DOCK9: variants seen among roughly 807,000 people sequenced by gnomAD.
DOCK9 encodes dedicator of cytokinesis protein 9.
In DOCK9, 89 loss-of-function variants were observed where a neutral mutation model predicts 263.3. That is an observed-to-expected ratio of 0.34 (90% confidence interval 0.28 to 0.40). The LOEUF (loss-of-function observed/expected upper bound fraction) is 0.40. DOCK9 is among the 10% of genes least tolerant of loss of function. DOCK9 has a pLI of 1.00. For synonymous variants in DOCK9, 976 were observed against 973.1 expected, an observed-to-expected ratio of 1.00 and a Z score of -0.06; for missense variants, 2,140 against 2,603.4, an observed-to-expected ratio of 0.82 and a Z score of 3.87.
At chr13:98,809,304 T>C in intron 47 of DOCK9, 48 bp downstream of exon 47, 1 of 1,507,426 alleles carries the variant, frequency 6.6e-7, no homozygotes, top group Admixed American at 2.0e-5. Context: ...TGTTTTTGTT[T>C]TTTTTTAAAG....
At chr13:98,853,368 C>G in intron 35 of DOCK9, 40 bp downstream of exon 35, 1 of 1,375,094 alleles carries the variant, frequency 7.3e-7, no homozygotes, top group Non-Finnish European at 1.0e-6. Context: ...AAACCAAGTG[C>G]TGAAACGAGC....
chr13:99,064,867 A>C (rs1195592036), intron 1 of DOCK9, among the ~76,000 whole-genome samples: 1 of 152,210 alleles, frequency 6.6e-6, no homozygotes, highest in African/African-American at 2.4e-5. Flanking sequence ...TCTCTAAAAA[A>C]TGAAGGCCCC....
chr13:98,977,633 T>A, intron 1 of DOCK9, 151 bp downstream of exon 1: 1 of 617,350 alleles, frequency 1.6e-6, no homozygotes, highest in South Asian at 2.9e-5. Flanking sequence ...GGAATCGAAG[T>A]CATATTACAG....
intron 1 of DOCK9, among the ~76,000 whole-genome samples, chr13:99,082,083 G>C (rs1490624477): frequency 1.3e-5 from 2 of 152,144 alleles, no homozygotes; most frequent in African/African-American, 4.8e-5. Flanking sequence ...GCTAGGCGTG[G>C]TGGTGCATGC....
chr13:98,809,146 G>A, intron 47 of DOCK9: 1 of 1,535,876 alleles, frequency 6.5e-7, no homozygotes, highest in Non-Finnish European at 8.8e-7. Flanking sequence ...AAGTAATAAA[G>A]AAAAGACAGG....
chr13:98,824,607 C>A, intron 44 of DOCK9, 103 bp from the exon 45 acceptor site: 1 of 1,084,776 alleles, frequency 9.2e-7, no homozygotes, highest in Non-Finnish European at 1.4e-6. Flanking sequence ...AATGAAATAA[C>A]GGATTTTGAA....
At chr13:98,960,771 C>G (rs190832389) in intron 1 of DOCK9, among the ~76,000 whole-genome samples, 4 of 152,150 alleles carry the variant, frequency 2.6e-5, no homozygotes, top group Admixed American at 2.6e-4. Context: ...GACCAACTAC[C>G]TATACTTGAA....
intron 2 of DOCK9, among the ~76,000 whole-genome samples, chr13:98,953,314 T>G (rs2057662911): frequency 6.6e-6 from 1 of 152,240 alleles, no homozygotes; most frequent in Admixed American, 6.5e-5. Flanking sequence ...AAAATGCTAG[T>G]GAGTTCTTTG....
rs1016608960 is a variant in DOCK9, at chr13:98,880,424, T to C, written c.2871+123A>G. On this transcript the variant is annotated intron_variant, in intron 26 of 52. Coordinates refer to ENST00000682017, the MANE Select transcript of DOCK9 (RefSeq NM_001366683.2). ...TAGAAAAGTTGGTATCAGAGAACAC[T>C]ACCCCTTTTTAGGGAGTGGTGTTTG... 33 of 1,264,450 alleles carry C rather than the reference T, an allele frequency of 2.6e-5. No individual in the cohort carries two copies. The South Asian group carries it at 3.7e-4, about 14-fold the overall frequency. The allele number at this position is 1,264,450 out of a possible 1,614,324, so 78.3% of individuals were successfully genotyped here. A position where few individuals can be genotyped will look rare whatever the true frequency, so the allele number is the denominator to read the frequency against.
chr13:99,041,167 C>A (rs1485481734), intron 1 of DOCK9, among the ~76,000 whole-genome samples: 2 of 152,116 alleles, frequency 1.3e-5, no homozygotes, highest in African/African-American at 2.4e-5. Context: ...CCCCTGATTT[C>A]TTTACACTCT....
chr13:98,897,640 G>A, intron 14 of DOCK9, 30 bp from the exon 15 acceptor site: 1 of 1,607,066 alleles, frequency 6.2e-7, no homozygotes, highest in South Asian at 1.1e-5. Flanking sequence ...TTTCTAAACT[G>A]GGTTTCCAAA....
At chr13:98,913,761 A>G (rs2050436902) in intron 9 of DOCK9, among the ~76,000 whole-genome samples, 1 of 152,224 alleles carries the variant, frequency 6.6e-6, no homozygotes, top group South Asian at 2.1e-4. Flanking sequence ...CAACATCATA[A>G]TAGATATTTA....
chr13:98,945,200 A>G (rs1028782181), intron 2 of DOCK9, among the ~76,000 whole-genome samples: 2 of 152,198 alleles, frequency 1.3e-5, no homozygotes, highest in Non-Finnish European at 2.9e-5. Flanking sequence ...TCTACCCTTA[A>G]CTTCGTATTT....
intron 27 of DOCK9, among the ~76,000 whole-genome samples, chr13:98,869,377 C>T (rs1044451939): frequency 2.0e-5 from 3 of 152,234 alleles, no homozygotes; most frequent in Admixed American, 6.5e-5. Flanking sequence ...AGGTTAGGTA[C>T]ATGTGTCCTC....
At chr13:98,807,469 G>A (rs973443712) in intron 48 of DOCK9, among the ~76,000 whole-genome samples, 192 bp downstream of exon 48, 2 of 152,136 alleles carry the variant, frequency 1.3e-5, no homozygotes, top group South Asian at 2.1e-4. Context: ...AAAATTAGGC[G>A]ATAAAGATTT....
At position 98,923,843 on chromosome 13, in the gene DOCK9, T is replaced by C. The variant is rs551435423; in HGVS notation, c.417-472A>G. Among the ~76,000 whole-genome samples, 5 of 152,326 alleles carry C rather than the reference T, an allele frequency of 3.3e-5. No individual in the cohort carries two copies. In the South Asian group the frequency reaches 6.2e-4, roughly 19 times the overall value. ...GGCCCTGCGCACTTCTCATGTGCCC[T>C]CTCATTTAATCCTTTAATCATGGTG... is the stretch of plus-strand genomic sequence containing the variant. On this transcript the variant is annotated intron_variant, in intron 4 of 52. Transcript: ENST00000682017.
chr13:98,929,919 G>A lies in DOCK9; in HGVS notation c.333+249C>T, dbSNP rs73560676. ...AATTCTGTGGAATTCACTTTTTGTA[G>A]TCAGATATAGCCCCCTCCAAATAAA... On this transcript the variant is annotated intron_variant, in intron 3 of 52. Coordinates refer to ENST00000682017, the MANE Select transcript of DOCK9 (RefSeq NM_001366683.2). Among the ~76,000 whole-genome samples, 1,162 of 152,148 alleles carry A rather than the reference G, an allele frequency of 7.6e-3. 15 individuals are homozygous for A. Among genetic ancestry groups the A allele is most frequent in the African/African-American group, 0.027 (1,127 of 41,518 alleles).
intron 1 of DOCK9, among the ~76,000 whole-genome samples, chr13:99,008,542 G>A (rs539338134): frequency 6.6e-6 from 1 of 152,130 alleles, no homozygotes; most frequent in South Asian, 2.1e-4. Context: ...CCCATGTGGA[G>A]TCTCTTGAAA....
chr13:98,921,201 C>T (rs1595337596), intron 6 of DOCK9, 113 bp from the exon 7 acceptor site: 5 of 1,052,526 alleles, frequency 4.8e-6, no homozygotes, highest in Non-Finnish European at 6.7e-6. Context: ...CGTTCTCACT[C>T]TAGCTGATGC....
Sources: gnomAD v4.1 joint callset for allele counts (sites outside exome capture counted in the v4.1 genomes callset) on GRCh38, gnomAD v4.1.1 for gene constraint, MANE v1.5 for transcripts, NCBI Gene and HGNC (gene_info 2026-07-23, HGNC 2026-07-21) for gene names.